CEP350: variants seen among roughly 807,000 people sequenced by gnomAD.
CEP350 encodes centrosomal protein 350.
In CEP350, 126 loss-of-function variants were observed where a neutral mutation model predicts 331.8. That is an observed-to-expected ratio of 0.38 (90% CI 0.33 to 0.44). The LOEUF is 0.44. Ranked by LOEUF, CEP350 falls within the 20% of genes least tolerant of loss-of-function variation. The pLI, the probability that CEP350 is intolerant of heterozygous loss-of-function variation, is 1.00. For synonymous variants in CEP350, 1,200 were observed against 1,259.5 expected (o/e 0.95, Z 1.00); for missense variants, 3,406 against 3,634.6 (o/e 0.94, Z 1.62).
intron 27 of CEP350, among the ~76,000 whole-genome samples, chr1:180,066,855 A>G (rs1482336769): frequency 6.6e-6 from 1 of 152,208 alleles, no homozygotes; most frequent in African/African-American, 2.4e-5. Context: ...ATAATCTCTC[A>G]TAGATTTTTA....
chr1:180,088,952 T>C (rs1571982645), intron 32 of CEP350, among the ~76,000 whole-genome samples: 1 of 152,190 alleles, frequency 6.6e-6, no homozygotes, highest in South Asian at 2.1e-4. Context: ...ATGTCAACAA[T>C]TAGATATGTT....
chr1:180,030,217 A>G (rs1260753627), intron 14 of CEP350, among the ~76,000 whole-genome samples: 3 of 147,248 alleles, frequency 2.0e-5, no homozygotes, highest in Admixed American at 6.8e-5. Flanking sequence ...TTTTTTGTAT[A>G]TATATATATA....
chr1:180,090,835 A>G (rs1163336533), intron 33 of CEP350, 39 bp downstream of exon 33: 2 of 1,480,932 alleles, frequency 1.4e-6, no homozygotes, highest in East Asian at 2.6e-5. Context: ...GTAGCTACAT[A>G]GTCTAAGGAT....
intron 37 of CEP350, among the ~76,000 whole-genome samples, chr1:180,105,377 A>G (rs1006234162): frequency 6.6e-6 from 1 of 151,402 alleles, no homozygotes; most frequent in African/African-American, 2.4e-5. Context: ...TATGTTCACC[A>G]CTCCCAAATT....
In CEP350 at chr1:180,037,938, C is replaced by T. The variant is rs181031270; in HGVS notation, c.4110+849C>T. Among the ~76,000 whole-genome samples, 39 of 152,236 alleles carry T rather than the reference C, an allele frequency of 2.6e-4. No homozygotes were observed. In the East Asian group the frequency reaches 4.6e-3, roughly 18 times the overall value. ...TGCTGGGATTACAGGTGTGAGCCAC[C>T]GCGCCTGGCCCAGTTTTGGTGAGTT... On this transcript the variant is annotated intron_variant, in intron 17 of 37. Coordinates refer to ENST00000367607, the MANE Select transcript of CEP350 (RefSeq NM_014810.5).
chr1:179,966,924 T>C (rs545678869), intron 1 of CEP350, among the ~76,000 whole-genome samples: 315 of 152,300 alleles, frequency 2.1e-3, no homozygotes, highest in Non-Finnish European at 3.7e-3. Flanking sequence ...TGTCACTTGG[T>C]GTTCCTGGGA....
chr1:180,070,633 CTG>C (rs1437412492), intron 27 of CEP350, among the ~76,000 whole-genome samples: 1 of 152,208 alleles, frequency 6.6e-6, no homozygotes, highest in Non-Finnish European at 1.5e-5. Flanking sequence ...AACTAGAACT[CTG>C]TTCTCCAGAG....
chr1:180,013,550 G>A (rs1303426613), intron 9 of CEP350, among the ~76,000 whole-genome samples: 2 of 152,008 alleles, frequency 1.3e-5, no homozygotes, highest in Non-Finnish European at 2.9e-5. Context: ...GAGAGAAATC[G>A]AAATGCTAAA....
chr1:180,034,756 A>C (rs908020459), intron 16 of CEP350, among the ~76,000 whole-genome samples: 1 of 152,048 alleles, frequency 6.6e-6, no homozygotes, highest in African/African-American at 2.4e-5. Flanking sequence ...TGACTGCTCC[A>C]CCAACTCACC....
chr1:180,013,943 C>T lies in CEP350; in HGVS notation c.1490C>T (p.Ser497Phe). ...GAACGTTCGAGAAGTAAATCTCGGTCTGAAAATAATATAAAGAAACTAGCT... is the reference window on the plus strand; with the variant it reads ...GAACGTTCGAGAAGTAAATCTCGGTTTGAAAATAATATAAAGAAACTAGCT... ...NSERSRSKSR[S>F]ENNIKKLASS... Residue 497 changes from serine (S) to phenylalanine (F), a missense_variant, in exon 10 of 38, where the codon TCT (serine) becomes TTT (phenylalanine). Coordinates refer to ENST00000367607, the MANE Select transcript of CEP350 (RefSeq NM_014810.5). 1 of 1,613,706 alleles carries T rather than the reference C, an allele frequency of 6.2e-7. No individual in the cohort carries two copies. The highest frequency in any genetic ancestry group is 1.1e-5 in the South Asian group (1 of 91,046).
intron 36 of CEP350, 84 bp from the exon 37 acceptor site, chr1:180,098,776 ATCG>A: frequency 1.9e-6 from 2 of 1,035,022 alleles, no homozygotes; most frequent in African/African-American, 1.6e-5. Context: ...TTATATTCTT[ATCG>A]TGAATCTGTT....
intron 28 of CEP350, among the ~76,000 whole-genome samples, chr1:180,076,625 C>A (rs1384493099): frequency 6.6e-6 from 1 of 151,882 alleles, no homozygotes; most frequent in African/African-American, 2.4e-5. Context: ...CCCGTTTCTA[C>A]CAAAAATAAA....
intron 1 of CEP350, among the ~76,000 whole-genome samples, chr1:179,985,506 A>G (rs73032365): frequency 0.017 from 2,519 of 152,268 alleles, 71 homozygotes; most frequent in African/African-American, 0.057. Context: ...TTGGTTGTAT[A>G]CTGTATTAGT....
intron 1 of CEP350, among the ~76,000 whole-genome samples, chr1:179,982,761 A>G (rs1249386751): frequency 2.0e-5 from 3 of 152,182 alleles, no homozygotes; most frequent in Non-Finnish European, 4.4e-5. Context: ...TCAGTTGGCT[A>G]GATTAAAAAT....
At chr1:180,007,989 T>C (rs150266778) in intron 8 of CEP350, among the ~76,000 whole-genome samples, 1 of 152,222 alleles carries the variant, frequency 6.6e-6, no homozygotes, top group East Asian at 1.9e-4. Flanking sequence ...TTCATCAACA[T>C]ACTGAACACA....
In CEP350 at chr1:179,968,829, A is replaced by G. The variant is rs551124397; in HGVS notation, c.-14+13687A>G. The G allele has an allele frequency of 9.2e-4, 651 of 706,070 alleles. 12 individuals carry two copies. Among genetic ancestry groups the G allele is most frequent in the South Asian group, 8.5e-3 (627 of 74,010 alleles). The allele number at this position is 706,070 out of a possible 1,614,324, so 43.7% of individuals were successfully genotyped here. A position where few individuals can be genotyped will look rare whatever the true frequency, so the allele number is the denominator to read the frequency against. Reference sequence around the variant, plus strand: ...GGACCTGAAAGAAGCTTCTGCTGGCAGCTCGTGCCATTGTTACCTTTGAAA... The same window carrying G: ...GGACCTGAAAGAAGCTTCTGCTGGCGGCTCGTGCCATTGTTACCTTTGAAA... On this transcript the variant is annotated intron_variant, in intron 1 of 37. Coordinates refer to ENST00000367607, the MANE Select transcript of CEP350 (RefSeq NM_014810.5).
chr1:180,042,349 GT>G (rs1656825857), intron 19 of CEP350, among the ~76,000 whole-genome samples: 1 of 152,138 alleles, frequency 6.6e-6, no homozygotes, highest in African/African-American at 2.4e-5. Flanking sequence ...GCCCAAAGTA[GT>G]TTTATTGCTG....
intron 30 of CEP350, among the ~76,000 whole-genome samples, chr1:180,082,597 G>A (rs944822338): frequency 1.3e-5 from 2 of 152,076 alleles, no homozygotes; most frequent in African/African-American, 4.8e-5. Flanking sequence ...TTACAGGCAC[G>A]AACCAGTGCG....
intron 27 of CEP350, among the ~76,000 whole-genome samples, chr1:180,073,507 T>G: frequency 6.6e-6 from 1 of 152,214 alleles, no homozygotes; most frequent in East Asian, 1.9e-4. Flanking sequence ...TACTTCTTAT[T>G]ACTTTACTTA....
Sources: gnomAD v4.1 joint callset for allele counts (sites outside exome capture counted in the v4.1 genomes callset) on GRCh38, gnomAD v4.1.1 for gene constraint, MANE v1.5 for transcripts, NCBI Gene and HGNC (gene_info 2026-07-23, HGNC 2026-07-21) for gene names.